RUNX1: variants seen among roughly 807,000 people sequenced by gnomAD.
The protein encoded by RUNX1 is runt-related transcription factor 1.
Under a neutral mutation model 42.8 loss-of-function variants are expected in RUNX1, and 19 were observed. That is an observed-to-expected ratio of 0.44 (90% confidence interval 0.31 to 0.65). The LOEUF is 0.65. Ranked by LOEUF, RUNX1 falls within the 30% of genes least tolerant of loss-of-function variation. RUNX1 has a pLI of 0.07. For synonymous variants in RUNX1, 271 were observed against 289.4 expected (o/e 0.94, Z 0.64); for missense variants, 528 against 672.0 (o/e 0.79, Z 2.37).
At chr21:34,866,339 A>ATCT (rs2057661435) in intron 5 of RUNX1, among the ~76,000 whole-genome samples, 1 of 152,240 alleles carries the variant, frequency 6.6e-6, no homozygotes, top group Admixed American at 6.5e-5. Context: ...TTAAAAACCA[A>ATCT]GAGAGTCAGT....
chr21:34,809,144 A>G (rs1398378111), intron 7 of RUNX1, among the ~76,000 whole-genome samples: 10 of 152,098 alleles, frequency 6.6e-5, no homozygotes. Flanking sequence ...AAGGAGCTCT[A>G]CAGACAGGTT....
At chr21:34,992,648 T>G (rs1232371334) in intron 2 of RUNX1, among the ~76,000 whole-genome samples, 1 of 150,138 alleles carries the variant, frequency 6.7e-6, no homozygotes, top group East Asian at 1.9e-4. Flanking sequence ...ATGACGTTTC[T>G]TTCACAAGAT....
At chr21:34,997,402 C>T (rs2059004579) in intron 2 of RUNX1, among the ~76,000 whole-genome samples, 1 of 152,178 alleles carries the variant, frequency 6.6e-6, no homozygotes, top group Non-Finnish European at 1.5e-5. Flanking sequence ...GAGTGTGTCT[C>T]TTCCTGTGTT....
chr21:34,987,718 G>C (rs1012204938), intron 2 of RUNX1, among the ~76,000 whole-genome samples: 1 of 152,208 alleles, frequency 6.6e-6, no homozygotes, highest in Non-Finnish European at 1.5e-5. Context: ...GAGCACCAAA[G>C]TATGTGGAAA....
At chr21:34,804,834 C>T (rs1330612397) in intron 7 of RUNX1, among the ~76,000 whole-genome samples, 5 of 151,976 alleles carry the variant, frequency 3.3e-5, no homozygotes, top group African/African-American at 1.2e-4. Flanking sequence ...CCTCCGCCTC[C>T]TGGGTTCAAG....
intron 2 of RUNX1, among the ~76,000 whole-genome samples, chr21:34,943,533 C>T (rs1220823401): frequency 6.6e-6 from 1 of 152,192 alleles, no homozygotes; most frequent in African/African-American, 2.4e-5. Context: ...CATCTTACTT[C>T]ATACAAAAGA....
chr21:34,865,072 T>C (rs1224322750), intron 5 of RUNX1, among the ~76,000 whole-genome samples: 4 of 152,078 alleles, frequency 2.6e-5, no homozygotes, highest in Admixed American at 6.6e-5. Context: ...ATAACAGTCA[T>C]TCCATCTCGT....
At chr21:34,946,188 C>T (rs1224224267) in intron 2 of RUNX1, among the ~76,000 whole-genome samples, 2 of 152,216 alleles carry the variant, frequency 1.3e-5, no homozygotes, top group Non-Finnish European at 2.9e-5. Flanking sequence ...CTGTTCCGTG[C>T]CTCACACGTT....
At chr21:34,942,483 GC>G (rs2058534859) in intron 2 of RUNX1, among the ~76,000 whole-genome samples, 1 of 152,258 alleles carries the variant, frequency 6.6e-6, no homozygotes, top group African/African-American at 2.4e-5. Context: ...TCTTCCCTCT[GC>G]TCTGAGCTCA....
intron 3 of RUNX1, among the ~76,000 whole-genome samples, chr21:34,889,257 C>G (rs1481223015): frequency 1.3e-5 from 2 of 152,128 alleles, no homozygotes; most frequent in Non-Finnish European, 2.9e-5. Context: ...GGGGGAGCCA[C>G]TCCGCGCTCC....
chr21:34,865,353 C>A (rs1042172372), intron 5 of RUNX1, among the ~76,000 whole-genome samples: 2 of 149,764 alleles, frequency 1.3e-5, no homozygotes, highest in Non-Finnish European at 3.0e-5. Context: ...TGCTACCAGG[C>A]CTAAACGCAA....
intron 2 of RUNX1, among the ~76,000 whole-genome samples, chr21:34,917,993 G>A (rs895388783): frequency 1.1e-4 from 17 of 151,922 alleles, no homozygotes; most frequent in Non-Finnish European, 2.4e-4. Flanking sequence ...GGTAGGCTTG[G>A]TGGTGGGTGC....
At chr21:34,875,143 C>A (rs1216019610) in intron 5 of RUNX1, among the ~76,000 whole-genome samples, 1 of 152,278 alleles carries the variant, frequency 6.6e-6, no homozygotes, top group Non-Finnish European at 1.5e-5. Context: ...AACTGCGAAA[C>A]TGCCTGTTGC....
chr21:34,950,401 A>T (rs118097216), intron 2 of RUNX1, among the ~76,000 whole-genome samples: 1 of 152,308 alleles, frequency 6.6e-6, no homozygotes, highest in East Asian at 1.9e-4. Flanking sequence ...AGAGCCTATA[A>T]GCAAAAAGAT....
intron 7 of RUNX1, among the ~76,000 whole-genome samples, chr21:34,820,528 CT>C (rs1038894174): frequency 6.6e-6 from 1 of 151,742 alleles, no homozygotes; most frequent in African/African-American, 2.4e-5. Flanking sequence ...TGGTGGCAGA[CT>C]CTGTAATCCC....
At chr21:34,867,604 G>C (rs2057681064) in intron 5 of RUNX1, among the ~76,000 whole-genome samples, 1 of 152,158 alleles carries the variant, frequency 6.6e-6, no homozygotes, top group Admixed American at 6.5e-5. Context: ...TGGAGGGGCG[G>C]GCCTCTTTAT....
chr21:34,947,267 T>G (rs2058570103), intron 2 of RUNX1, among the ~76,000 whole-genome samples: 1 of 152,196 alleles, frequency 6.6e-6, no homozygotes, highest in South Asian at 2.1e-4. Flanking sequence ...AGGATGAAGT[T>G]TCAGATTTTT....
rs537402163 is a variant in RUNX1, at chr21:34,914,665, G to A, written c.59-21702C>T. Reference sequence around the variant, plus strand: ...CACTTGGAGCTAGTGCCTGCAGGAAGCACACATTCTGGTCAGTGTCTTCAT... The same window carrying A: ...CACTTGGAGCTAGTGCCTGCAGGAAACACACATTCTGGTCAGTGTCTTCAT... On this transcript the variant is annotated intron_variant, in intron 2 of 8. Transcript: ENST00000675419. Among the ~76,000 whole-genome samples the A allele has an allele frequency of 1.4e-3, 211 of 152,282 alleles. 1 individual carries two copies. Among genetic ancestry groups the A allele is most frequent in the Non-Finnish European group, 1.6e-3 (111 of 68,010 alleles).
At chr21:34,879,193 A>G (rs184147266) in intron 5 of RUNX1, among the ~76,000 whole-genome samples, 1 of 152,370 alleles carries the variant, frequency 6.6e-6, no homozygotes, top group East Asian at 1.9e-4. Context: ...ATTTACTGAA[A>G]GGTGGGGACT....
Sources: allele counts gnomAD v4.1 joint callset (sites outside exome capture counted in the v4.1 genomes callset), GRCh38; gene constraint gnomAD v4.1.1; transcripts MANE v1.5; gene names NCBI Gene and HGNC (gene_info 2026-07-23, HGNC 2026-07-21).